Variants in LRRTM4 observed in about 807,000 individuals in gnomAD.
The protein encoded by LRRTM4 is leucine-rich repeat transmembrane neuronal protein 4.
Under a neutral mutation model 47.6 loss-of-function variants are expected in LRRTM4, and 25 were observed. The ratio of observed to expected loss-of-function variants is 0.53; its 90% CI spans 0.38 to 0.73. The LOEUF (loss-of-function observed/expected upper bound fraction) is 0.73, where lower values mean the gene tolerates loss of function less well. Ranked by LOEUF, LRRTM4 falls within the 30% of genes least tolerant of loss-of-function variation. The pLI, the probability that LRRTM4 is intolerant of heterozygous loss-of-function variation, is 0.00. For missense variants in LRRTM4, 638 were observed against 713.4 expected (o/e 0.89, Z 1.20); for synonymous variants, 311 against 269.5 (o/e 1.15, Z -1.51).
At chr2:77,256,346 G>T (rs1675765273) in intron 3 of LRRTM4, among the ~76,000 whole-genome samples, 1 of 152,006 alleles carries the variant, frequency 6.6e-6, no homozygotes, top group Non-Finnish European at 1.5e-5. Context: ...ATTTGAAGAA[G>T]AATTAATGAT....
intron 3 of LRRTM4, among the ~76,000 whole-genome samples, chr2:76,937,010 A>G (rs1394905582): frequency 2.7e-5 from 4 of 147,912 alleles, no homozygotes; most frequent in Admixed American, 6.8e-5. Flanking sequence ...ATGTGAAAAC[A>G]TATCATCTTA....
At chr2:76,969,684 A>G (rs1573383735) in intron 3 of LRRTM4, among the ~76,000 whole-genome samples, 1 of 152,098 alleles carries the variant, frequency 6.6e-6, no homozygotes, top group East Asian at 1.9e-4. Flanking sequence ...AATGATGGTG[A>G]TTATGATGAC....
intron 3 of LRRTM4, among the ~76,000 whole-genome samples, chr2:76,789,879 T>C (rs1212790607): frequency 6.6e-6 from 1 of 152,146 alleles, no homozygotes; most frequent in Non-Finnish European, 1.5e-5. Context: ...TTATCAGCAC[T>C]CTTCTTTTTT....
intron 3 of LRRTM4, among the ~76,000 whole-genome samples, chr2:77,328,658 C>T (rs1274364799): frequency 1.3e-5 from 2 of 152,038 alleles, no homozygotes; most frequent in African/African-American, 4.8e-5. Context: ...AATGTGAAGC[C>T]CTGGGGGAGA....
chr2:77,136,568 C>T (rs1356070318), intron 3 of LRRTM4, among the ~76,000 whole-genome samples: 1 of 152,148 alleles, frequency 6.6e-6, no homozygotes, highest in African/African-American at 2.4e-5. Context: ...AATCAGAGCG[C>T]CTCTCCCCTT....
chr2:77,083,065 CTG>C (rs1424665578), intron 3 of LRRTM4, among the ~76,000 whole-genome samples: 2 of 152,038 alleles, frequency 1.3e-5, no homozygotes, highest in Admixed American at 6.6e-5. Context: ...ATATTAAAAA[CTG>C]TATTCTTATG....
At position 76,747,726 on chromosome 2, in the gene LRRTM4, AT is replaced by A. The variant is rs1672695069; in HGVS notation, c.*968del. ...ATACCAACCACAAAATAATATATTT[AT>A]TTTTCAATATTTTTTCTTTTATTGA... is the stretch of plus-strand genomic sequence containing the variant. On this transcript the variant is annotated 3_prime_UTR_variant, in exon 4 of 4. Coordinates refer to ENST00000409884, the MANE Select transcript of LRRTM4 (RefSeq NM_001134745.3). 6.6e-6 allele frequency: 1 copy of A among 152,190 alleles called. No homozygotes were observed. The highest frequency in any genetic ancestry group is 1.5e-5 in the Non-Finnish European group (1 of 68,024). The allele number at this position is 152,190 out of a possible 1,614,324, so 9.4% of individuals were successfully genotyped here.
At chr2:77,435,368 T>C (rs1675547622) in intron 3 of LRRTM4, among the ~76,000 whole-genome samples, 1 of 152,182 alleles carries the variant, frequency 6.6e-6, no homozygotes, top group African/African-American at 2.4e-5. Flanking sequence ...TCATGAGACA[T>C]ATTTTAAAGT....
intron 3 of LRRTM4, among the ~76,000 whole-genome samples, chr2:77,370,018 C>A (rs1021947162): frequency 5.3e-5 from 8 of 151,802 alleles, no homozygotes; most frequent in African/African-American, 1.9e-4. Flanking sequence ...TAAACATGCA[C>A]AATATGATTT....
intron 3 of LRRTM4, among the ~76,000 whole-genome samples, chr2:76,965,315 A>G: frequency 6.6e-6 from 1 of 151,302 alleles, no homozygotes; most frequent in East Asian, 2.0e-4. Flanking sequence ...AAATATTAGC[A>G]AATTGAGTTC....
chr2:77,454,348 A>T (rs545637982), intron 3 of LRRTM4, among the ~76,000 whole-genome samples: 2 of 152,326 alleles, frequency 1.3e-5, no homozygotes, highest in East Asian at 1.9e-4. Context: ...ACTTTTACCC[A>T]ATCATTTAAA....
intron 3 of LRRTM4, among the ~76,000 whole-genome samples, chr2:77,105,834 C>G (rs1442305373): frequency 2.0e-5 from 3 of 152,156 alleles, no homozygotes; most frequent in Admixed American, 6.5e-5. Context: ...TTTCATTGTA[C>G]TGTCCTGTCT....
At chr2:77,205,514 T>G (rs1036950855) in intron 3 of LRRTM4, among the ~76,000 whole-genome samples, 9 of 151,946 alleles carry the variant, frequency 5.9e-5, no homozygotes, top group African/African-American at 2.2e-4. Context: ...ACACAACACA[T>G]GAAGACTCTC....
intron 3 of LRRTM4, among the ~76,000 whole-genome samples, chr2:77,484,984 A>G (rs1470354521): frequency 3.9e-5 from 6 of 152,148 alleles, no homozygotes; most frequent in African/African-American, 1.4e-4. Context: ...CTCAAGTTTT[A>G]CAAGTGCTTA....
intron 3 of LRRTM4, among the ~76,000 whole-genome samples, chr2:77,483,061 C>T (rs1383865063): frequency 7.9e-6 from 1 of 126,890 alleles, no homozygotes; most frequent in African/African-American, 3.0e-5. Flanking sequence ...GCAGAGGTTG[C>T]AGCGAGCCGA....
intron 3 of LRRTM4, among the ~76,000 whole-genome samples, chr2:76,781,759 C>T (rs1674408392): frequency 6.6e-6 from 1 of 152,076 alleles, no homozygotes; most frequent in South Asian, 2.1e-4. Context: ...TGTTCCTATT[C>T]TCATTTCTCT....
chr2:77,387,933 A>G (rs952605068), intron 3 of LRRTM4, among the ~76,000 whole-genome samples: 8 of 152,126 alleles, frequency 5.3e-5, no homozygotes, highest in Non-Finnish European at 8.8e-5. Flanking sequence ...AAAATTGATC[A>G]GGATATTTAA....
At chr2:77,429,971 C>A (rs1024062097) in intron 3 of LRRTM4, among the ~76,000 whole-genome samples, 1 of 152,020 alleles carries the variant, frequency 6.6e-6, no homozygotes, top group African/African-American at 2.4e-5. Context: ...GAGGCTGAGG[C>A]AGGGGAATCA....
intron 3 of LRRTM4, among the ~76,000 whole-genome samples, chr2:77,245,537 AAG>A (rs532839995): frequency 0.076 from 7,480 of 98,136 alleles, 308 homozygotes; most frequent in African/African-American, 0.2. Context: ...AAAAAAAAAA[AAG>A]AAGAAGAAGA....
Sources: allele counts gnomAD v4.1 joint callset (sites outside exome capture counted in the v4.1 genomes callset), GRCh38; gene constraint gnomAD v4.1.1; transcripts MANE v1.5; gene names NCBI Gene and HGNC (gene_info 2026-07-23, HGNC 2026-07-21).